The following KMT2C variants were observed in gnomAD, a reference collection of about 807,000 sequenced individuals.
The protein encoded by KMT2C is histone-lysine N-methyltransferase 2C.
In KMT2C, 88 loss-of-function variants were observed where a neutral mutation model predicts 507.9. That is an observed-to-expected ratio of 0.17 (90% confidence interval 0.15 to 0.21). The LOEUF is 0.21. KMT2C is among the 10% of genes least tolerant of loss of function. The pLI is 1.00. For synonymous variants in KMT2C, 2,049 were observed against 2,080.8 expected (o/e 0.98, Z 0.42); for missense variants, 4,954 against 5,957.8 (o/e 0.83, Z 5.55).
chr7:152,344,589 T>C (rs1406929414), intron 2 of KMT2C, among the ~76,000 whole-genome samples: 1 of 152,036 alleles, frequency 6.6e-6, no homozygotes, highest in Non-Finnish European at 1.5e-5. Context: ...TTGGGTTTGT[T>C]GTAAACATAT....
At chr7:152,257,076 T>G (rs2095672542) in intron 9 of KMT2C, among the ~76,000 whole-genome samples, 1 of 152,186 alleles carries the variant, frequency 6.6e-6, no homozygotes, top group Non-Finnish European at 1.5e-5. Flanking sequence ...TAAAATCATT[T>G]ATAATGCAAA....
intron 2 of KMT2C, among the ~76,000 whole-genome samples, chr7:152,346,850 G>A (rs2097062735): frequency 6.6e-6 from 1 of 152,192 alleles, no homozygotes; most frequent in African/African-American, 2.4e-5. Context: ...ATCATGGCCA[G>A]GCACAGTGGC....
At chr7:152,356,741 T>TAG (rs929973179) in intron 2 of KMT2C, among the ~76,000 whole-genome samples, 3 of 149,872 alleles carry the variant, frequency 2.0e-5, no homozygotes, top group Admixed American at 6.7e-5. Context: ...AATACAAAAA[T>TAG]TAGCGAGGCG....
At chr7:152,156,969 A>G (rs1418187742) in intron 44 of KMT2C, among the ~76,000 whole-genome samples, 1 of 152,234 alleles carries the variant, frequency 6.6e-6, no homozygotes, top group Non-Finnish European at 1.5e-5. Context: ...AGAGACTTGG[A>G]ATCTACCAAT....
At chr7:152,390,011 T>C (rs1198883534) in intron 1 of KMT2C, among the ~76,000 whole-genome samples, 5 of 152,152 alleles carry the variant, frequency 3.3e-5, no homozygotes, top group Admixed American at 6.5e-5. Context: ...AGCTAAACAA[T>C]GAGTACATGT....
Position 152,176,642 on chromosome 7 carries a change from A to T in KMT2C, c.8811T>A (p.Ser2937=), listed in dbSNP as rs2129113388. 1 of 1,614,226 alleles carries T rather than the reference A, an allele frequency of 6.2e-7. No homozygotes were observed. Among genetic ancestry groups the T allele is most frequent in the Non-Finnish European group, 8.5e-7 (1 of 1,180,046 alleles). Reference sequence around the variant, plus strand: ...AGGCCGGCAGAGTTGGTGGTGGTGGAGACCCCGATGGCCTAATGTCTGAAT... The same window carrying T: ...AGGCCGGCAGAGTTGGTGGTGGTGGTGACCCCGATGGCCTAATGTCTGAAT... ...SDNSDIRPSG[S]PPPPTLPASP... Residue 2937 remains serine, a synonymous_variant, in exon 38 of 59, where the codon TCT becomes TCA. Coordinates refer to ENST00000262189, the MANE Select transcript of KMT2C (RefSeq NM_170606.3).
rs1323060121 is a variant in KMT2C at position 152,214,636 on chromosome 7, A to G, written c.3712+5887T>C. The stretch of plus-strand genomic sequence containing the variant: ...AATAGTTAGCTTTAAGAAAGGAGAC[A>G]CTGCCATTTGTGACAACATGGATGA... On this transcript the variant is annotated intron_variant, in intron 23 of 58. Coordinates refer to ENST00000262189, the MANE Select transcript of KMT2C (RefSeq NM_170606.3). Among the ~76,000 whole-genome samples, 4 of 152,252 alleles carry G rather than the reference A, an allele frequency of 2.6e-5. No individual in the cohort carries two copies. In the East Asian group the frequency reaches 7.7e-4, roughly 29 times the overall value.
At chr7:152,145,513 C>T (rs1471866664) in intron 53 of KMT2C, among the ~76,000 whole-genome samples, 1 of 152,138 alleles carries the variant, frequency 6.6e-6, no homozygotes, top group Non-Finnish European at 1.5e-5. Flanking sequence ...TTAGGTAAAC[C>T]CTGCCAAATG....
At chr7:152,192,520 G>A (rs2093830644) in intron 31 of KMT2C, among the ~76,000 whole-genome samples, 1 of 151,394 alleles carries the variant, frequency 6.6e-6, no homozygotes, top group Non-Finnish European at 1.5e-5. Flanking sequence ...CAGCCTGGGC[G>A]AAGGTGTGAG....
chr7:152,345,237 C>T (rs1563935311), intron 2 of KMT2C, among the ~76,000 whole-genome samples: 1 of 151,880 alleles, frequency 6.6e-6, no homozygotes, highest in Admixed American at 6.6e-5. Flanking sequence ...ACCCGTCCCT[C>T]CAAAAAAACT....
At chr7:152,153,026 T>G (rs1213625075) in intron 48 of KMT2C, 72 bp from the exon 49 acceptor site, 2 of 1,544,914 alleles carry the variant, frequency 1.3e-6, no homozygotes, top group African/African-American at 2.7e-5. Flanking sequence ...AAATACACAC[T>G]TAGGATAAAT....
intron 31 of KMT2C, among the ~76,000 whole-genome samples, chr7:152,188,389 T>C (rs1030889824): frequency 6.6e-5 from 10 of 152,130 alleles, no homozygotes; most frequent in Admixed American, 6.5e-5. Flanking sequence ...TTTGGGTTAA[T>C]TGAGATAATG....
At chr7:152,374,219 G>A (rs1216051881) in intron 1 of KMT2C, among the ~76,000 whole-genome samples, 1 of 151,930 alleles carries the variant, frequency 6.6e-6, no homozygotes, top group Admixed American at 6.6e-5. Context: ...AGGAGGCTGA[G>A]GCACAAGAAT....
At chr7:152,269,049 A>G (rs541987893) in intron 7 of KMT2C, among the ~76,000 whole-genome samples, 1 of 149,818 alleles carries the variant, frequency 6.7e-6, no homozygotes, top group Non-Finnish European at 1.5e-5. Context: ...CCTTTTACTC[A>G]AATTTTTAAC....
In KMT2C at chr7:152,136,343, T is replaced by C. The variant is rs1351446922; in HGVS notation, c.*489A>G. 4.5e-6 allele frequency: 1 copy of C among 219,994 alleles called. No homozygotes were observed. Among genetic ancestry groups the C allele is most frequent in the African/African-American group, 2.2e-5 (1 of 44,466 alleles). The allele number at this position is 219,994 out of a possible 1,614,324, so 13.6% of individuals were successfully genotyped here. A position where few individuals can be genotyped will look rare whatever the true frequency, so the allele number is the denominator to read the frequency against. ...GTGTCTACTTTATTTAAAAACATTTTGAAGTTAGAGGGCCTGCCCCTTTTT... is the reference window on the plus strand; with the variant it reads ...GTGTCTACTTTATTTAAAAACATTTCGAAGTTAGAGGGCCTGCCCCTTTTT... On this transcript the variant is annotated 3_prime_UTR_variant, in exon 59 of 59. Coordinates refer to ENST00000262189, the MANE Select transcript of KMT2C (RefSeq NM_170606.3).
At chr7:152,262,307 G>T (rs1226257706) in intron 9 of KMT2C, among the ~76,000 whole-genome samples, 1 of 152,082 alleles carries the variant, frequency 6.6e-6, no homozygotes, top group Non-Finnish European at 1.5e-5. Flanking sequence ...GGAAAAACCC[G>T]CTCCAGGCCC....
chr7:152,274,134 T>A (rs77287782), intron 6 of KMT2C, among the ~76,000 whole-genome samples: 5 of 148,136 alleles, frequency 3.4e-5, no homozygotes, highest in East Asian at 2.0e-4. Context: ...GAAGCATTTT[T>A]GAAACAAAAC....
chr7:152,167,848 T>G (rs577747296), intron 41 of KMT2C, among the ~76,000 whole-genome samples: 1 of 152,262 alleles, frequency 6.6e-6, no homozygotes, highest in East Asian at 1.9e-4. Flanking sequence ...TTCTTTCCTA[T>G]TTCTTAATAA....
chr7:152,335,908 GTTTT>G (rs1051760192), intron 2 of KMT2C, among the ~76,000 whole-genome samples: 2 of 145,814 alleles, frequency 1.4e-5, no homozygotes, highest in Non-Finnish European at 3.1e-5. Flanking sequence ...AGACTATAGG[GTTTT>G]TTTGTTTTTT....
Sources: allele counts gnomAD v4.1 joint callset (sites outside exome capture counted in the v4.1 genomes callset), GRCh38; gene constraint gnomAD v4.1.1; transcripts MANE v1.5; gene names NCBI Gene and HGNC (gene_info 2026-07-23, HGNC 2026-07-21).